The following AKT3 variants were observed in gnomAD, a reference collection of about 807,000 sequenced individuals.
The protein encoded by AKT3 is RAC-gamma serine/threonine-protein kinase.
A neutral mutation model predicts 65.3 loss-of-function variants in AKT3; 15 were observed. The ratio of observed to expected loss-of-function variants is 0.23; its 90% CI spans 0.15 to 0.35. The LOEUF is 0.35. Among genes scored for constraint, AKT3 ranks in the 10% least tolerant of loss-of-function variants. The probability of loss-of-function intolerance (pLI) is 1.00; values close to 1 mark genes in which losing one functional copy is unlikely to be tolerated. For synonymous variants in AKT3, 206 were observed against 183.8 expected (o/e 1.12, Z -0.98); for missense variants, 243 against 576.5 (o/e 0.42, Z 5.92).
At chr1:243,488,907 C>CTG (rs781524818) in intron 13 of AKT3, 1 of 1,545,896 alleles carries the variant, frequency 6.5e-7, no homozygotes, top group East Asian at 2.2e-5. Context: ...CCTAGGCGTC[C>CTG]TGCTCATGGT....
At chr1:243,686,983 C>T (rs577964917) in intron 3 of AKT3, among the ~76,000 whole-genome samples, 3 of 151,822 alleles carry the variant, frequency 2.0e-5, no homozygotes, top group Admixed American at 6.6e-5. Context: ...TCACTTGATC[C>T]TCACTGTAAG....
At chr1:243,706,432 T>C (rs750039704) in intron 2 of AKT3, among the ~76,000 whole-genome samples, 12 of 152,184 alleles carry the variant, frequency 7.9e-5, no homozygotes, top group Admixed American at 5.9e-4. Context: ...GAAAAAACTC[T>C]CAGGTGGTTC....
In AKT3 at chr1:243,619,462, C is replaced by T. The variant is rs1411024874; in HGVS notation, c.562-4301G>A. Among the ~76,000 whole-genome samples the T allele has an allele frequency of 2.5e-4, 10 of 40,732 alleles. 4 individuals carry two copies. The highest frequency in any genetic ancestry group is 1.3e-3 in the Non-Finnish European group (9 of 6,994). 26.7% of individuals were successfully genotyped at this position (40,732 alleles called of 152,430 possible). A position where few individuals can be genotyped will look rare whatever the true frequency, so the allele number is the denominator to read the frequency against. On this transcript the variant is annotated intron_variant, in intron 6 of 13. Coordinates refer to ENST00000673466, the MANE Select transcript of AKT3 (RefSeq NM_005465.7). ...TATCTAACACTAGGTCTTATTACAA[C>T]TGTACTTCTGTACCTATTAATCAAC...
intron 8 of AKT3, among the ~76,000 whole-genome samples, chr1:243,580,797 A>G (rs897273488): frequency 2.6e-5 from 4 of 152,122 alleles, no homozygotes; most frequent in Non-Finnish European, 5.9e-5. Flanking sequence ...CTCCATCTCC[A>G]AGCACATCTC....
At chr1:243,846,741 A>G (rs1050553674) in intron 1 of AKT3, among the ~76,000 whole-genome samples, 7 of 152,200 alleles carry the variant, frequency 4.6e-5, no homozygotes, top group Non-Finnish European at 8.8e-5. Flanking sequence ...CAAATTTTGC[A>G]AATTTAGAAT....
chr1:243,834,836 A>G (rs746759297), intron 2 of AKT3, among the ~76,000 whole-genome samples: 3 of 152,206 alleles, frequency 2.0e-5, no homozygotes, highest in African/African-American at 4.8e-5. Context: ...AAATAGGTAT[A>G]TAAGTGTAAA....
chr1:243,505,471 AG>A lies in AKT3; in HGVS notation c.1355-138del. 4.6e-6 allele frequency: 3 copies of A among 656,372 alleles called. No individual in the cohort carries two copies. In the South Asian group the frequency reaches 5.9e-5, roughly 13 times the overall value. The allele number at this position is 656,372 out of a possible 1,614,324, so 40.7% of individuals were successfully genotyped here. On this transcript the variant is annotated intron_variant, in intron 13 of 13. Transcript: ENST00000673466. ...TCCCATAAACTTGTGTTCATCAATA[AG>A]CTGTAGAGTAATTATACTTCAAAAA...
At chr1:243,836,233 G>T (rs1558859029) in intron 2 of AKT3, among the ~76,000 whole-genome samples, 1 of 151,976 alleles carries the variant, frequency 6.6e-6, no homozygotes, top group Non-Finnish European at 1.5e-5. Context: ...TAAAAAATCA[G>T]GAGTTACTAT....
intron 8 of AKT3, among the ~76,000 whole-genome samples, chr1:243,578,724 C>T (rs1036359506): frequency 6.6e-6 from 1 of 152,052 alleles, no homozygotes; most frequent in Non-Finnish European, 1.5e-5. Context: ...GTTAAAAAGG[C>T]AATTCGGGTA....
At chr1:243,719,463 C>T (rs114313046) in intron 2 of AKT3, among the ~76,000 whole-genome samples, 1,527 of 152,294 alleles carry the variant, frequency 0.01, 10 homozygotes, top group Non-Finnish European at 0.017. Flanking sequence ...TTCCTGACTA[C>T]CAATTCCAAT....
intron 2 of AKT3, among the ~76,000 whole-genome samples, chr1:243,830,466 A>C (rs1399255381): frequency 2.0e-5 from 3 of 152,158 alleles, no homozygotes; most frequent in Non-Finnish European, 4.4e-5. Flanking sequence ...TTTGCTTAGA[A>C]AGAGGGATTT....
intron 2 of AKT3, among the ~76,000 whole-genome samples, chr1:243,763,214 A>T (rs1572299650): frequency 6.6e-6 from 1 of 152,228 alleles, no homozygotes; most frequent in East Asian, 1.9e-4. Flanking sequence ...CAAGATTCTA[A>T]TAAGAACTTA....
At chr1:243,773,764 C>G (rs1310531560) in intron 2 of AKT3, among the ~76,000 whole-genome samples, 1 of 152,186 alleles carries the variant, frequency 6.6e-6, no homozygotes, top group Admixed American at 6.5e-5. Flanking sequence ...TGTTAATTTC[C>G]TTCCCAACTG....
chr1:243,802,458 A>G (rs958124169), intron 2 of AKT3, among the ~76,000 whole-genome samples: 1 of 152,166 alleles, frequency 6.6e-6, no homozygotes, highest in African/African-American at 2.4e-5. Context: ...ATCAAAACAA[A>G]ATTTTATTGA....
intron 2 of AKT3, among the ~76,000 whole-genome samples, chr1:243,828,627 A>G (rs1212336149): frequency 2.0e-5 from 3 of 152,064 alleles, no homozygotes; most frequent in Non-Finnish European, 4.4e-5. Flanking sequence ...AAAATAATAC[A>G]TTTTCTTAAT....
chr1:243,702,528 A>G (rs539717862), intron 2 of AKT3, among the ~76,000 whole-genome samples: 29 of 152,328 alleles, frequency 1.9e-4, no homozygotes, highest in African/African-American at 6.7e-4. Flanking sequence ...ACATATTTCA[A>G]GTATTTGATT....
chr1:243,664,834 G>T lies in AKT3; in HGVS notation c.222C>A (p.Ile74=). Reference sequence around the variant, plus strand: ...TAACAGTAGTCCACTGGAGACATCTGATTATAAATGTGTTTGGCTTTGGTC... The same window carrying T: ...TAACAGTAGTCCACTGGAGACATCTTATTATAAATGTGTTTGGCTTTGGTC... The part of the protein sequence containing the change: ...TERPKPNTFI[I]RCLQWTTVIE... The change falls in exon 4 of 14, where the codon ATC becomes ATA. Residue 74 remains isoleucine, a synonymous_variant. Coordinates refer to ENST00000673466, the MANE Select transcript of AKT3 (RefSeq NM_005465.7). 1 of 1,593,764 alleles carries T rather than the reference G, an allele frequency of 6.3e-7. No individual in the cohort carries two copies. The highest frequency in any genetic ancestry group is 1.2e-5 in the South Asian group (1 of 86,694).
At chr1:243,507,632 G>A (rs1482308226) in intron 13 of AKT3, among the ~76,000 whole-genome samples, 2 of 152,184 alleles carry the variant, frequency 1.3e-5, no homozygotes, top group African/African-American at 2.4e-5. Flanking sequence ...ATAGGGAATA[G>A]TGATGATAAT....
intron 2 of AKT3, among the ~76,000 whole-genome samples, chr1:243,816,666 C>T (rs964247939): frequency 2.0e-5 from 3 of 151,334 alleles, no homozygotes; most frequent in African/African-American, 7.3e-5. Flanking sequence ...AAAAATCCAC[C>T]GTAGAAAGAA....
Sources: gnomAD v4.1 joint callset for allele counts (sites outside exome capture counted in the v4.1 genomes callset) on GRCh38, gnomAD v4.1.1 for gene constraint, MANE v1.5 for transcripts, NCBI Gene and HGNC (gene_info 2026-07-23, HGNC 2026-07-21) for gene names.